The following IL1RAPL2 variants were observed in gnomAD, a reference collection of about 807,000 sequenced individuals.
The protein encoded by IL1RAPL2 is interleukin 1 receptor accessory protein like 2.
In IL1RAPL2, 3 loss-of-function variants were observed where a neutral mutation model predicts 44.1. The ratio of observed to expected loss-of-function variants is 0.07; its 90% CI spans 0.03 to 0.18. IL1RAPL2 has a LOEUF of 0.18. Ranked by LOEUF, IL1RAPL2 falls within the 10% of genes least tolerant of loss-of-function variation. The probability of loss-of-function intolerance (pLI) is 1.00; values close to 1 mark genes in which losing one functional copy is unlikely to be tolerated. For missense variants in IL1RAPL2, 391 were observed against 496.4 expected, an observed-to-expected ratio of 0.79 and a Z score of 2.02; for synonymous variants, 181 against 178.8, an observed-to-expected ratio of 1.01 and a Z score of -0.10.
At chrX:104,599,730 C>T (rs1449411006) in intron 1 of IL1RAPL2, among the ~76,000 whole-genome samples, 4 of 105,622 alleles carry the variant, frequency 3.8e-5, no homozygotes, top group African/African-American at 1.4e-4. Flanking sequence ...AGATATGAAA[C>T]GACTTAGGCA....
At chrX:104,755,812 A>G (rs1204974199) in intron 2 of IL1RAPL2, among the ~76,000 whole-genome samples, 1 of 111,502 alleles carries the variant, frequency 9.0e-6, no homozygotes, top group African/African-American at 3.3e-5. Context: ...ATTACTTTGT[A>G]TTAAACCCAG....
At chrX:105,352,900 T>C (rs1449298387) in intron 5 of IL1RAPL2, among the ~76,000 whole-genome samples, 2 of 109,078 alleles carry the variant, frequency 1.8e-5, no homozygotes, top group East Asian at 5.8e-4. Context: ...ACTCTGATGG[T>C]AGTTTCTTTT....
chrX:104,852,515 A>C (rs777694282), intron 2 of IL1RAPL2, among the ~76,000 whole-genome samples: 3 of 112,077 alleles, frequency 2.7e-5, no homozygotes, highest in Non-Finnish European at 5.6e-5. Context: ...TCTATTTGTC[A>C]TGGTTTTTAA....
chrX:105,211,618 T>A (rs2147620117), intron 3 of IL1RAPL2, among the ~76,000 whole-genome samples: 1 of 111,485 alleles, frequency 9.0e-6, no homozygotes, highest in African/African-American at 3.3e-5. Flanking sequence ...TATTATTTGA[T>A]GGTCTCTTAT....
At chrX:105,283,962 T>C (rs888535087) in intron 5 of IL1RAPL2, among the ~76,000 whole-genome samples, 1 of 111,715 alleles carries the variant, frequency 9.0e-6, no homozygotes, top group Admixed American at 9.6e-5. Flanking sequence ...CATCAAATTG[T>C]TAAATATTAA....
At chrX:105,022,521 T>C (rs1369100706) in intron 2 of IL1RAPL2, among the ~76,000 whole-genome samples, 1 of 111,577 alleles carries the variant, frequency 9.0e-6, no homozygotes, top group Admixed American at 9.5e-5. Context: ...ACACTCTAGG[T>C]TACTGAGGAA....
chrX:105,626,736 T>G (rs2037455861), intron 6 of IL1RAPL2, among the ~76,000 whole-genome samples: 1 of 111,840 alleles, frequency 8.9e-6, no homozygotes, highest in African/African-American at 3.2e-5. Flanking sequence ...GTGATAATTT[T>G]TATTAGATTT....
At chrX:105,237,070 C>T (rs781992808) in intron 4 of IL1RAPL2, among the ~76,000 whole-genome samples, 50 of 111,216 alleles carry the variant, frequency 4.5e-4, no homozygotes, top group African/African-American at 1.6e-3. Flanking sequence ...TGTTCAATTC[C>T]CACCTATGAG....
intron 2 of IL1RAPL2, among the ~76,000 whole-genome samples, chrX:104,782,163 C>T (rs1932778576): frequency 9.0e-6 from 1 of 111,281 alleles, no homozygotes; most frequent in Non-Finnish European, 1.9e-5. Context: ...TATGGCAGCT[C>T]GGATGAATGA....
At chrX:104,894,445 T>C (rs1923572168) in intron 2 of IL1RAPL2, among the ~76,000 whole-genome samples, 1 of 112,147 alleles carries the variant, frequency 8.9e-6, no homozygotes, top group African/African-American at 3.2e-5. Context: ...TTTGGTCTTT[T>C]CACGTAGTCC....
chrX:105,012,645 T>TCACA (rs1168286976), intron 2 of IL1RAPL2, among the ~76,000 whole-genome samples: 35 of 48,505 alleles, frequency 7.2e-4, no homozygotes, highest in East Asian at 3.3e-3. Context: ...TCTCTCTCTC[T>TCACA]CACACACACA....
chrX:105,356,213 G>A (rs778254880), intron 5 of IL1RAPL2, among the ~76,000 whole-genome samples: 1 of 109,937 alleles, frequency 9.1e-6, no homozygotes, highest in Admixed American at 9.8e-5. Flanking sequence ...GAACTCAGCT[G>A]GAGTTTCCAT....
At chrX:104,895,576 C>T (rs1459769324) in intron 2 of IL1RAPL2, among the ~76,000 whole-genome samples, 3 of 112,751 alleles carry the variant, frequency 2.7e-5, no homozygotes, top group African/African-American at 6.4e-5. Context: ...GCATGGGACC[C>T]TCTGAGCCAG....
chrX:105,618,306 A>G (rs1307065838), intron 6 of IL1RAPL2, among the ~76,000 whole-genome samples: 1 of 110,562 alleles, frequency 9.0e-6, no homozygotes, highest in Non-Finnish European at 1.9e-5. Flanking sequence ...GGAGAACATC[A>G]GGAAAAATAA....
intron 6 of IL1RAPL2, among the ~76,000 whole-genome samples, chrX:105,564,805 C>T (rs1381458552): frequency 8.9e-6 from 1 of 111,957 alleles, no homozygotes; most frequent in African/African-American, 3.2e-5. Context: ...AAATATGCCT[C>T]TCACCCCATG....
chrX:104,694,972 G>C (rs950068263), intron 2 of IL1RAPL2, among the ~76,000 whole-genome samples: 1 of 112,289 alleles, frequency 8.9e-6, no homozygotes, highest in Non-Finnish European at 1.9e-5. Flanking sequence ...CACAATATGA[G>C]TTGGTCCCAT....
chrX:105,365,705 A>G (rs2035288822), intron 5 of IL1RAPL2, among the ~76,000 whole-genome samples: 1 of 111,144 alleles, frequency 9.0e-6, no homozygotes, highest in African/African-American at 3.3e-5. Flanking sequence ...ATAGTAGTTT[A>G]TTATCTTCCT....
At chrX:105,733,280 C>G (rs956066603) in intron 7 of IL1RAPL2, among the ~76,000 whole-genome samples, 1 of 111,284 alleles carries the variant, frequency 9.0e-6, no homozygotes, top group Non-Finnish European at 1.9e-5. Context: ...TTTCTTTTTA[C>G]CCCTCTGGCT....
At chrX:104,608,071 C>T (rs1929056339) in intron 1 of IL1RAPL2, among the ~76,000 whole-genome samples, 1 of 111,475 alleles carries the variant, frequency 9.0e-6, no homozygotes, top group Non-Finnish European at 1.9e-5. Context: ...GAGTTCATGT[C>T]CTTTGCAGGG....
Sources: allele counts gnomAD v4.1 joint callset (sites outside exome capture counted in the v4.1 genomes callset), GRCh38; gene constraint gnomAD v4.1.1; transcripts MANE v1.5; gene names NCBI Gene and HGNC (gene_info 2026-07-23, HGNC 2026-07-21).